The following BRCA2 variants were observed in gnomAD, a reference collection of about 807,000 sequenced individuals.
BRCA2 encodes the protein breast cancer type 2 susceptibility protein.
BRCA2 carries 203 observed loss-of-function variants against 276.7 expected under a neutral mutation model. That is an observed-to-expected ratio of 0.73 (90% CI 0.65 to 0.82). The LOEUF (loss-of-function observed/expected upper bound fraction) is 0.82. BRCA2 is among the 40% of genes least tolerant of loss of function. BRCA2 has a pLI of 0.00. For synonymous variants in BRCA2, 1,289 were observed against 1,338.4 expected, an observed-to-expected ratio of 0.96 and a Z score of 0.81; for missense variants, 3,920 against 3,915.0, an observed-to-expected ratio of 1.00 and a Z score of -0.03.
At position 32,329,495 on chromosome 13, in the gene BRCA2, A is replaced by G. The variant is rs1566220695; in HGVS notation, c.681+3A>G. On this transcript the variant is annotated splice_donor_region_variant and intron_variant, in intron 8 of 26. Transcript: ENST00000380152. ...TATTTCCTCATGATACTACTGCTGT[A>G]AGTAAATATGACATTGATTAGACTG... The G allele has an allele frequency of 6.3e-7, 1 of 1,590,322 alleles. No homozygotes were observed. Among genetic ancestry groups the G allele is most frequent in the Non-Finnish European group, 8.6e-7 (1 of 1,160,610 alleles).
intron 10 of BRCA2, among the ~76,000 whole-genome samples, chr13:32,335,125 C>T (rs926967474): frequency 1.3e-5 from 2 of 152,134 alleles, no homozygotes; most frequent in Admixed American, 6.5e-5. Flanking sequence ...AGGCAGATCA[C>T]TTAAGGTCAA....
intron 26 of BRCA2, 152 bp from the exon 27 acceptor site, chr13:32,398,010 T>G: frequency 1.4e-6 from 1 of 699,656 alleles, no homozygotes; most frequent in Non-Finnish European, 2.3e-6. Flanking sequence ...AGGAATAATG[T>G]GAACTGAAAT....
chr13:32,370,118 A>C (rs1332994214), intron 18 of BRCA2, among the ~76,000 whole-genome samples: 1 of 152,192 alleles, frequency 6.6e-6, no homozygotes, highest in Non-Finnish European at 1.5e-5. Flanking sequence ...TTAAACTATT[A>C]TGTTTAAATC....
rs2137517102 is a variant in BRCA2 at position 32,339,750 on chromosome 13, G to A, written c.5395G>A (p.Ala1799Thr). Residue 1799 changes from alanine (A) to threonine (T), a missense_variant, in exon 11 of 27, where the codon GCA becomes ACA. Ala to Thr is a moderately conservative substitution (Grantham distance 58). Transcript: ENST00000380152. ...KVISNVKDANAYPQTVNEDIC... is the reference protein window; with the variant it reads ...KVISNVKDANTYPQTVNEDIC... ...AATATCCAATGTAAAAGATGCAAATGCATACCCACAAACTGTAAATGAAGA... is the reference window on the plus strand; with the variant it reads ...AATATCCAATGTAAAAGATGCAAATACATACCCACAAACTGTAAATGAAGA... The A allele has an allele frequency of 6.2e-7, 1 of 1,613,864 alleles. No individual in the cohort carries two copies. The highest frequency in any genetic ancestry group is 8.5e-7 in the Non-Finnish European group (1 of 1,179,858).
At chr13:32,328,578 A>T (rs958889336) in intron 7 of BRCA2, among the ~76,000 whole-genome samples, 3 of 152,114 alleles carry the variant, frequency 2.0e-5, no homozygotes, top group Admixed American at 1.3e-4. Flanking sequence ...TAGTTGTGAA[A>T]CTTATTTTGT....
intron 24 of BRCA2, chr13:32,384,737 A>G (rs1193945709): frequency 8.0e-6 from 2 of 250,408 alleles, no homozygotes; most frequent in Non-Finnish European, 1.7e-5. Context: ...GGGAGGTATC[A>G]ATTAAAGATG....
chr13:32,356,118 C>T (rs2137560878), intron 14 of BRCA2, among the ~76,000 whole-genome samples: 1 of 151,552 alleles, frequency 6.6e-6, no homozygotes, highest in Non-Finnish European at 1.5e-5. Context: ...CCTCGGCTCA[C>T]CGCAACCTCC....
rs276174829 is a variant in BRCA2 at position 32,337,094 on chromosome 13, C to T, written c.2739C>T (p.Asp913=). The part of the protein sequence containing the change: ...LGNTKELHET[D]LTCVNEPIFK... The stretch of plus-strand genomic sequence containing the variant: ...ATACTAAGGAACTTCATGAAACAGA[C>T]TTGACTTGTGTAAACGAACCCATTT... Residue 913 remains aspartate (D), a synonymous_variant, in exon 11 of 27, where the codon GAC becomes GAT. Coordinates refer to ENST00000380152, the MANE Select transcript of BRCA2 (RefSeq NM_000059.4). The T allele has an allele frequency of 7.4e-6, 12 of 1,613,380 alleles. No homozygotes were observed. Among genetic ancestry groups the T allele is most frequent in the Non-Finnish European group, 1.0e-5 (12 of 1,179,826 alleles).
chr13:32,363,390 G>T lies in BRCA2; in HGVS notation c.8188G>T (p.Ala2730Ser), dbSNP rs80359066. 3.7e-6 allele frequency: 6 copies of T among 1,614,080 alleles called. No homozygotes were observed. Among genetic ancestry groups the T allele is most frequent in the Middle Eastern group, 1.6e-4 (1 of 6,062 alleles). The change falls in exon 18 of 27, where the codon GCC (alanine) becomes TCC (serine). Residue 2730 changes from alanine (A) to serine (S), a missense_variant. Around this residue, in one of 2 missense-constraint regions of BRCA2, gnomAD observed 3,263 missense variants for 3,156.9 expected, o/e 1.03. Transcript: ENST00000380152. ...ELTDGWYAVKAQLDPPLLAVL... is the reference protein window; with the variant it reads ...ELTDGWYAVKSQLDPPLLAVL... ...TACAGATGGGTGGTATGCTGTTAAG[G>T]CCCAGTTAGATCCTCCCCTCTTAGC...
At position 32,364,744 on chromosome 13, in the gene BRCA2, A is replaced by G. The variant is rs11571725; in HGVS notation, c.8331+1211A>G. Reference sequence around the variant, plus strand: ...TAAAAATCCTGCCCAATATGTTAAAATTTCTCCATTGGTTCCATTTCTGTT... The same window carrying G: ...TAAAAATCCTGCCCAATATGTTAAAGTTTCTCCATTGGTTCCATTTCTGTT... On this transcript the variant is annotated intron_variant, in intron 18 of 26. Transcript: ENST00000380152. 0.22 allele frequency among the ~76,000 whole-genome samples: 33,467 copies of G among 151,980 alleles called. 3,793 individuals carry two copies. Among genetic ancestry groups the G allele is most frequent in the East Asian group, 0.4 (2,047 of 5,178 alleles).
rs886040345 is a variant in BRCA2, at chr13:32,332,575, T to G, written c.1097T>G (p.Leu366Ter). The G allele has an allele frequency of 6.2e-7, 1 of 1,612,900 alleles. No individual in the cohort carries two copies. Among genetic ancestry groups the G allele is most frequent in the Non-Finnish European group, 8.5e-7 (1 of 1,179,596 alleles). Residue 366 changes from leucine to a stop codon, truncating the protein, a stop_gained, in exon 10 of 27, where the codon TTA becomes TGA. Coordinates refer to ENST00000380152, the MANE Select transcript of BRCA2 (RefSeq NM_000059.4). LOFTEE classifies it high-confidence loss of function. ...SEVEPNDTDP[L>*]DSNVANQKPF... is the part of the protein sequence containing the mutation. ...GTGGAACCAAATGATACTGATCCAT[T>G]AGATTCAAATGTAGCAAATCAGAAG...
rs2137541945 is a variant in BRCA2 at position 32,346,902 on chromosome 13, A to T, written c.7007+6A>T. The stretch of plus-strand genomic sequence containing the variant: ...ATTACCTGTGTACCCTTTCGGTAAG[A>T]CATGTTTAAATTTTTCTAAATTCTA... On this transcript the variant is annotated splice_donor_region_variant and intron_variant, in intron 13 of 26. Transcript: ENST00000380152. 1 of 1,601,306 alleles carries T rather than the reference A, an allele frequency of 6.2e-7. No homozygotes were observed. Among genetic ancestry groups the T allele is most frequent in the South Asian group, 1.1e-5 (1 of 89,476 alleles).
In BRCA2 at chr13:32,332,445, G is replaced by A. The variant is rs1566222487; in HGVS notation, c.967G>A (p.Val323Ile). ...ATGTAGAACAAAAAATCTACAAAAAGTAAGAACTAGCAAGACTAGGAAAAA... is the reference window on the plus strand; with the variant it reads ...ATGTAGAACAAAAAATCTACAAAAAATAAGAACTAGCAAGACTAGGAAAAA... The part of the protein sequence containing the change: ...SKCRTKNLQK[V>I]RTSKTRKKIF... The change falls in exon 10 of 27, where the codon GTA (valine) becomes ATA (isoleucine). Residue 323 changes from valine to isoleucine, a missense_variant. By Grantham distance (29) the Val-to-Ile change is conservative (BLOSUM62 3). This residue lies in a region of BRCA2 where 3,263 missense variants were observed against 3,156.9 expected (regional missense o/e 1.03). Transcript: ENST00000380152. 1 of 1,588,958 alleles carries A rather than the reference G, an allele frequency of 6.3e-7. No homozygotes were observed. Among genetic ancestry groups the A allele is most frequent in the Non-Finnish European group, 8.5e-7 (1 of 1,171,848 alleles).
chr13:32,383,903 G>C (rs563231022), intron 24 of BRCA2, among the ~76,000 whole-genome samples: 2 of 152,292 alleles, frequency 1.3e-5, no homozygotes, highest in Admixed American at 1.3e-4. Flanking sequence ...TGAGTTACCA[G>C]TGGAAAATAG....
intron 7 of BRCA2, among the ~76,000 whole-genome samples, chr13:32,328,920 GCCTGAGCTTA>G (rs1228339005): frequency 6.1e-4 from 93 of 152,174 alleles, no homozygotes; most frequent in African/African-American, 1.9e-3. Context: ...TGTACTCAAA[GCCTGAGCTTA>G]ATTTATTCCC....
In BRCA2 at chr13:32,379,480, G is replaced by A. The variant is rs80359143; in HGVS notation, c.8918G>A (p.Arg2973His). The A allele has an allele frequency of 7.1e-5, 114 of 1,613,142 alleles. No individual in the cohort carries two copies. Among genetic ancestry groups the A allele is most frequent in the Non-Finnish European group, 8.4e-5 (99 of 1,179,788 alleles). Residue 2973 changes from arginine (R) to histidine (H), a missense_variant, in exon 22 of 27, where the codon CGT becomes CAT. This residue lies in a region of BRCA2 where 657 missense variants were observed against 758.2 expected (regional missense o/e 0.87). Coordinates refer to ENST00000380152, the MANE Select transcript of BRCA2 (RefSeq NM_000059.4). The stretch of plus-strand genomic sequence containing the variant: ...GATGTCACAACCGTGTGGAAGTTGC[G>A]TATTGTAAGCTATTCAAAAAAAGAA... Reference protein sequence around the residue: ...SRDVTTVWKLRIVSYSKKEKD... With the variant: ...SRDVTTVWKLHIVSYSKKEKD...
chr13:32,315,865 C>T (rs2072252215), intron 1 of BRCA2, among the ~76,000 whole-genome samples, 198 bp downstream of exon 1: 2 of 152,326 alleles, frequency 1.3e-5, no homozygotes, highest in South Asian at 4.1e-4. Flanking sequence ...CCCGCCCCTT[C>T]CCTGGGTCTC....
intron 16 of BRCA2, among the ~76,000 whole-genome samples, chr13:32,359,678 A>G (rs953178027): frequency 6.6e-6 from 1 of 152,252 alleles, no homozygotes; most frequent in Non-Finnish European, 1.5e-5. Flanking sequence ...CGTATCTTAT[A>G]TAACAAACAT....
In BRCA2 at chr13:32,330,174, G is replaced by A. The variant is rs1048837542; in HGVS notation, c.681+682G>A. Among the ~76,000 whole-genome samples the A allele has an allele frequency of 5.3e-5, 8 of 152,122 alleles. No homozygotes were observed. In the South Asian group the frequency reaches 6.2e-4, roughly 12 times the overall value. On this transcript the variant is annotated intron_variant, in intron 8 of 26. Coordinates refer to ENST00000380152, the MANE Select transcript of BRCA2 (RefSeq NM_000059.4). ...TCGTTTAGGCTCTATGCTTTCTGGC[G>A]TAATATGTAGCTGTCAATCAAAACA...
Sources: allele counts gnomAD v4.1 joint callset (sites outside exome capture counted in the v4.1 genomes callset), GRCh38; gene constraint gnomAD v4.1.1; regional missense constraint gnomAD v4.1.1; transcripts MANE v1.5; gene names NCBI Gene and HGNC (gene_info 2026-07-23, HGNC 2026-07-21).